The following SLC26A9 variants were observed in gnomAD, a reference collection of about 807,000 sequenced individuals.
The protein encoded by SLC26A9 is anion transporter/exchanger protein 9.
A neutral mutation model predicts 87.1 loss-of-function variants in SLC26A9; 46 were observed. The observed-to-expected ratio is 0.53, with a 90% CI of 0.42 to 0.67. The LOEUF (loss-of-function observed/expected upper bound fraction) is 0.67, where lower values mean the gene tolerates loss of function less well. Among genes scored for constraint, SLC26A9 ranks in the 30% least tolerant of loss-of-function variants. SLC26A9 has a pLI of 0.00. For synonymous variants in SLC26A9, 437 were observed against 409.1 expected (o/e 1.07, Z -0.82); for missense variants, 927 against 1,018.3 (o/e 0.91, Z 1.22).
rs1274821005 is a variant in SLC26A9 at position 205,923,666 on chromosome 1, C to T, written c.1497-53G>A. The stretch of plus-strand genomic sequence containing the variant: ...AAGAGAATGCTAATGGCACATGGGC[C>T]TGGAAGGGTGCCCCTGCTGGGGCGG... On this transcript the variant is annotated intron_variant, in intron 13 of 20. Transcript: ENST00000367135. The T allele has an allele frequency of 6.2e-6, 10 of 1,607,188 alleles. No homozygotes were observed. The East Asian group carries it at 2.2e-4, about 36-fold the overall frequency.
chr1:205,923,658 A>C, intron 13 of SLC26A9, 45 bp from the exon 14 acceptor site: 3 of 1,611,896 alleles, frequency 1.9e-6, no homozygotes, highest in Non-Finnish European at 2.5e-6. Flanking sequence ...TGCTAATGGC[A>C]CATGGGCCTG....
At chr1:205,933,298 G>A (rs1659382483) in intron 2 of SLC26A9, among the ~76,000 whole-genome samples, 1 of 152,214 alleles carries the variant, frequency 6.6e-6, no homozygotes, top group Non-Finnish European at 1.5e-5. Flanking sequence ...CTGACTGCCA[G>A]CTGCTTACCT....
intron 9 of SLC26A9, 83 bp from the exon 10 acceptor site, chr1:205,927,688 T>G: frequency 7.0e-7 from 1 of 1,437,150 alleles, no homozygotes; most frequent in Non-Finnish European, 9.6e-7. Flanking sequence ...CAAGCTGGAC[T>G]GTGGGCCTAA....
At position 205,914,681 on chromosome 1, in the gene SLC26A9, C is replaced by T. The variant is rs894023419; in HGVS notation, c.*676G>A. The T allele has an allele frequency of 3.2e-5, 18 of 564,118 alleles. No individual in the cohort carries two copies. Among genetic ancestry groups the T allele is most frequent in the Non-Finnish European group, 4.2e-5 (14 of 332,096 alleles). 34.9% of individuals were successfully genotyped at this position (564,118 alleles called of 1,614,324 possible). ...GGGGAGGTAGCTCTGGTGGTCTCGA[C>T]GGTCCTGGCCACTGTCCAGGCTAGA... On this transcript the variant is annotated 3_prime_UTR_variant, in exon 21 of 21. Transcript: ENST00000367135.
intron 17 of SLC26A9, among the ~76,000 whole-genome samples, chr1:205,921,130 G>A (rs1324546302): frequency 6.6e-6 from 1 of 152,242 alleles, no homozygotes; most frequent in Non-Finnish European, 1.5e-5. Flanking sequence ...TGTCCCGTGG[G>A]CTCTCTGTTT....
At position 205,931,943 on chromosome 1, in the gene SLC26A9, C is replaced by T. The variant is rs1225497095; in HGVS notation, c.469G>A (p.Glu157Lys). ...ATGGCTGCTGTGTCCACATAGCTCT[C>T]ATTGGTGGCATTGTTGAAGACCTGG... ...KFQVFNNATN[E>K]SYVDTAAMEA... Residue 157 changes from glutamate to lysine, a missense_variant, in exon 5 of 21, where the codon GAG becomes AAG. Physicochemically the swap from Glu to Lys is moderately conservative, Grantham distance 56 (BLOSUM62 1). Transcript: ENST00000367135. 6.2e-7 allele frequency: 1 copy of T among 1,614,240 alleles called. No homozygotes were observed. Among genetic ancestry groups the T allele is most frequent in the South Asian group, 1.1e-5 (1 of 91,080 alleles).
In SLC26A9 at chr1:205,914,550, C is replaced by G. The variant is rs1658493739; in HGVS notation, c.*807G>C. On this transcript the variant is annotated 3_prime_UTR_variant, in exon 21 of 21. Transcript: ENST00000367135. ...GATGCCAGATGATTCTGCCAGCTAC[C>G]CATCCCCCTCTTTGGGGTTTCTAGC... 3.8e-6 allele frequency: 1 copy of G among 266,442 alleles called. No individual in the cohort carries two copies. Among genetic ancestry groups the G allele is most frequent in the East Asian group, 6.9e-5 (1 of 14,548 alleles). 16.5% of individuals were successfully genotyped at this position (266,442 alleles called of 1,614,324 possible).
Position 205,926,575 on chromosome 1 carries a change from G to T in SLC26A9, c.1349C>A (p.Thr450Asn), listed in dbSNP as rs147438126. Residue 450 changes from threonine to asparagine, a missense_variant, in exon 12 of 21, where the codon ACC becomes AAC. Coordinates refer to ENST00000367135, the MANE Select transcript of SLC26A9 (RefSeq NM_052934.4). Reference protein sequence around the residue: ...VNLKNSLKQLTDPYYLWRKSK... With the variant: ...VNLKNSLKQLNDPYYLWRKSK... Reference sequence around the variant, plus strand: ...CTTCCTCCACAGGTAGTAGGGGTCGGTGAGTTGCTTGAGGGAGTTCTTGAG... The same window carrying T: ...CTTCCTCCACAGGTAGTAGGGGTCGTTGAGTTGCTTGAGGGAGTTCTTGAG... 9.2e-5 allele frequency: 148 copies of T among 1,614,172 alleles called. 4 individuals are homozygous for T. The Admixed American group carries it at 1.9e-3, about 21-fold the overall frequency.
At chr1:205,940,973 A>T (rs1659719909) in intron 1 of SLC26A9, among the ~76,000 whole-genome samples, 2 of 152,162 alleles carry the variant, frequency 1.3e-5, no homozygotes, top group Non-Finnish European at 2.9e-5. Context: ...CCTTTGCTCT[A>T]GCTGCTGGTT....
chr1:205,919,406 G>T (rs1235650252), intron 18 of SLC26A9, among the ~76,000 whole-genome samples: 1 of 152,068 alleles, frequency 6.6e-6, no homozygotes, highest in East Asian at 1.9e-4. Flanking sequence ...TTCCTGAGGG[G>T]GTGTCCAGTG....
chr1:205,931,087 G>A (rs1011583354), intron 5 of SLC26A9, among the ~76,000 whole-genome samples: 8 of 152,302 alleles, frequency 5.3e-5, no homozygotes, highest in South Asian at 4.1e-4. Context: ...CTGGGACTGC[G>A]TTTTGCTCTT....
In SLC26A9 at chr1:205,927,930, T is replaced by C. The variant is rs1394910897; in HGVS notation, c.1073A>G (p.Lys358Arg). 2 of 1,614,180 alleles carry C rather than the reference T, an allele frequency of 1.2e-6. No homozygotes were observed. The highest frequency in any genetic ancestry group is 2.2e-5 in the East Asian group (1 of 44,882). The change falls in exon 9 of 21, where the codon AAG becomes AGG. Residue 358 changes from lysine to arginine, a missense_variant. Transcript: ENST00000367135. ...NLAMGRTLAN[K>R]HGYDVDSNQE... Reference sequence around the variant, plus strand: ...GTTCGAATCCACGTCGTAGCCGTGCTTGTTGGCCAGGGTCCGGCCCATAGC... The same window carrying C: ...GTTCGAATCCACGTCGTAGCCGTGCCTGTTGGCCAGGGTCCGGCCCATAGC...
chr1:205,915,512 A>C, intron 20 of SLC26A9, 108 bp from the exon 21 acceptor site: 65 of 1,349,932 alleles, frequency 4.8e-5, no homozygotes, highest in Non-Finnish European at 6.0e-5. Context: ...GGCCAGAACA[A>C]AGCACCTGTG....
At chr1:205,923,675 T>TGCCCCC in intron 13 of SLC26A9, 62 bp from the exon 14 acceptor site, 3 of 1,601,838 alleles carry the variant, frequency 1.9e-6, no homozygotes, top group Non-Finnish European at 2.6e-6. Context: ...CCTGGAAGGG[T>TGCCCCC]GCCCCTGCTG....
chr1:205,923,005 G>T, intron 16 of SLC26A9, 77 bp downstream of exon 16: 8 of 1,408,262 alleles, frequency 5.7e-6, no homozygotes, highest in Non-Finnish European at 8.0e-6. Context: ...GGGCCCCCAG[G>T]GTACCATGAG....
intron 19 of SLC26A9, among the ~76,000 whole-genome samples, chr1:205,918,094 AG>A: frequency 6.6e-6 from 1 of 152,334 alleles, no homozygotes; most frequent in Non-Finnish European, 1.5e-5. Flanking sequence ...TCATTGCTCT[AG>A]GGCCAGAAAA....
In SLC26A9 at chr1:205,913,753, C is replaced by T. The variant is rs144203873; in HGVS notation, c.*1604G>A. 30 of 152,754 alleles carry T rather than the reference C, an allele frequency of 2.0e-4. No individual in the cohort carries two copies. Among genetic ancestry groups the T allele is most frequent in the African/African-American group, 6.0e-4 (25 of 41,556 alleles). 9.5% of individuals were successfully genotyped at this position (152,754 alleles called of 1,614,324 possible). A position where few individuals can be genotyped will look rare whatever the true frequency, so the allele number is the denominator to read the frequency against. On this transcript the variant is annotated 3_prime_UTR_variant, in exon 21 of 21. Coordinates refer to ENST00000367135, the MANE Select transcript of SLC26A9 (RefSeq NM_052934.4). ...TGGCAGCCAGATGGCATAATGAATTCACAGAAAAGCAATGCTCCTGGGCCA... is the reference window on the plus strand; with the variant it reads ...TGGCAGCCAGATGGCATAATGAATTTACAGAAAAGCAATGCTCCTGGGCCA...
chr1:205,924,700 A>T, intron 12 of SLC26A9: 1 of 524,276 alleles, frequency 1.9e-6, no homozygotes. Flanking sequence ...TGGTTGCCTG[A>T]TCTTGTCTGT....
At chr1:205,916,153 G>C (rs1370940733) in intron 20 of SLC26A9, among the ~76,000 whole-genome samples, 1 of 152,224 alleles carries the variant, frequency 6.6e-6, no homozygotes, top group Non-Finnish European at 1.5e-5. Context: ...CTGGAGTGCA[G>C]TGGCACGATC....
Sources: gnomAD v4.1 joint callset for allele counts (sites outside exome capture counted in the v4.1 genomes callset) on GRCh38, gnomAD v4.1.1 for gene constraint, MANE v1.5 for transcripts, NCBI Gene and HGNC (gene_info 2026-07-23, HGNC 2026-07-21) for gene names.